The following MDH2 variants were observed in gnomAD, a reference collection of about 807,000 sequenced individuals.
MDH2 encodes the protein malate dehydrogenase 2, also known as malate dehydrogenase, mitochondrial.
MDH2 carries 25 observed loss-of-function variants against 33.6 expected under a neutral mutation model. The observed-to-expected ratio is 0.74, with a 90% CI of 0.54 to 1.04. The LOEUF is 1.04. MDH2 is among the 50% of genes least tolerant of loss of function. MDH2 has a pLI of 0.00. For missense variants in MDH2, 432 were observed against 445.0 expected (o/e 0.97, Z 0.26); for synonymous variants, 193 against 188.7 (o/e 1.02, Z -0.19).
At chr7:76,058,186 T>TG in intron 4 of MDH2, 108 bp downstream of exon 4, 5 of 1,030,550 alleles carry the variant, frequency 4.9e-6, no homozygotes, top group Non-Finnish European at 5.7e-6. Flanking sequence ...GCTGGGGGGA[T>TG]GGGGGGATAC....
intron 5 of MDH2, 64 bp downstream of exon 5, chr7:76,060,562 T>A: frequency 1.3e-6 from 2 of 1,593,474 alleles, no homozygotes; most frequent in Non-Finnish European, 1.7e-6. Flanking sequence ...CCGTGCTCAT[T>A]TACGGGCGTG....
In MDH2 at chr7:76,064,442, G is replaced by A; in HGVS notation, c.733+4G>A. On this transcript the variant is annotated splice_donor_region_variant and intron_variant, in intron 7 of 8. Transcript: ENST00000315758. Reference sequence around the variant, plus strand: ...GTCAAGGCTAAAGCCGGAGCAGGTAGAGTCTCAGGCAGCCCCGGGGCTGGG... The same window carrying A: ...GTCAAGGCTAAAGCCGGAGCAGGTAAAGTCTCAGGCAGCCCCGGGGCTGGG... 3.7e-6 allele frequency: 6 copies of A among 1,610,774 alleles called. No homozygotes were observed. The South Asian group carries it at 6.6e-5, about 18-fold the overall frequency.
intron 4 of MDH2, 76 bp from the exon 5 acceptor site, chr7:76,060,297 A>C (rs997427335): frequency 1.6e-5 from 25 of 1,573,742 alleles, no homozygotes; most frequent in Middle Eastern, 3.4e-4. Flanking sequence ...GTCTGACAAA[A>C]AGCCCTTTTC....
intron 5 of MDH2, among the ~76,000 whole-genome samples, chr7:76,062,570 G>C (rs1554587168): frequency 6.6e-6 from 1 of 152,200 alleles, no homozygotes; most frequent in Non-Finnish European, 1.5e-5. Flanking sequence ...CGGGGCAGGT[G>C]GCTGTTCCCT....
At chr7:76,058,841 T>C (rs1797863095) in intron 4 of MDH2, among the ~76,000 whole-genome samples, 3 of 152,206 alleles carry the variant, frequency 2.0e-5, no homozygotes, top group African/African-American at 7.2e-5. Flanking sequence ...AAATGGCTCC[T>C]AAGTGACTCA....
chr7:76,048,971 C>A, intron 1 of MDH2: 1 of 579,082 alleles, frequency 1.7e-6, no homozygotes, highest in Non-Finnish European at 1.9e-6. Context: ...ATTGAAGAAG[C>A]TTAAGACTGC....
chr7:76,066,136 T>TCAGCAAGGCGTCCC (rs1438255815), intron 8 of MDH2, 143 bp from the exon 9 acceptor site: 1 of 997,528 alleles, frequency 1.0e-6, no homozygotes, highest in African/African-American at 1.6e-5. Context: ...ACCCACCTGC[T>TCAGCAAGGCGTCCC]CAGCAAGGCG....
intron 2 of MDH2, among the ~76,000 whole-genome samples, chr7:76,057,012 C>CA (rs55681261): frequency 1.5e-4 from 22 of 143,674 alleles, no homozygotes; most frequent in African/African-American, 5.6e-4. Context: ...GACTCCCTCT[C>CA]AAAAAAAAAA....
At chr7:76,054,699 C>G (rs1449156116) in intron 1 of MDH2, 131 bp from the exon 2 acceptor site, 6 of 1,052,148 alleles carry the variant, frequency 5.7e-6, no homozygotes, top group Non-Finnish European at 4.3e-6. Context: ...GAGACTGTTA[C>G]AAATACAATG....
chr7:76,066,501 T>C lies in MDH2; in HGVS notation c.*91T>C, dbSNP rs1380930976. 2 of 1,460,168 alleles carry C rather than the reference T, an allele frequency of 1.4e-6. No homozygotes were observed. The highest frequency in any genetic ancestry group is 1.8e-6 in the Non-Finnish European group (2 of 1,096,204). The allele number at this position is 1,460,168 out of a possible 1,614,324, so 90.5% of individuals were successfully genotyped here. On this transcript the variant is annotated 3_prime_UTR_variant, in exon 9 of 9. Transcript: ENST00000315758. ...AGATAAACTTTGTATTTTAATTTGC[T>C]TTGGTGATGATTACTGTATTGACAT...
chr7:76,048,479 C>G, intron 1 of MDH2: 1 of 1,255,784 alleles, frequency 8.0e-7, no homozygotes, highest in Non-Finnish European at 1.0e-6. Context: ...CCCAGGTCTC[C>G]CAGATTTCCC....
intron 1 of MDH2, chr7:76,048,586 C>T (rs1393685087): frequency 1.4e-5 from 18 of 1,308,994 alleles, no homozygotes; most frequent in African/African-American, 4.6e-5. Flanking sequence ...CGTTCCATTG[C>T]TTTGACGTAG....
chr7:76,048,375 G>A, intron 1 of MDH2, 149 bp downstream of exon 1: 2 of 1,257,244 alleles, frequency 1.6e-6, no homozygotes, highest in East Asian at 2.8e-5. Context: ...GCCCGGGGCA[G>A]GCCCTGACAC....
At chr7:76,058,607 C>T (rs1457447574) in intron 4 of MDH2, among the ~76,000 whole-genome samples, 1 of 152,186 alleles carries the variant, frequency 6.6e-6, no homozygotes, top group Non-Finnish European at 1.5e-5. Flanking sequence ...AACAACAACT[C>T]ATAGTAAAAC....
chr7:76,054,491 G>T (rs1554585910), intron 1 of MDH2: 3 of 304,378 alleles, frequency 9.9e-6, no homozygotes. Context: ...TAGGCACTCA[G>T]TGTGTGTTTA....
chr7:76,049,180 C>T (rs1797498819), intron 1 of MDH2: 1 of 872,302 alleles, frequency 1.1e-6, no homozygotes, highest in African/African-American at 1.9e-5. Context: ...ACAAATGCTC[C>T]TGGATTGATG....
intron 1 of MDH2, chr7:76,048,498 T>C (rs941886244): frequency 1.5e-6 from 2 of 1,307,112 alleles, no homozygotes; most frequent in African/African-American, 3.1e-5. Context: ...CCAGAGGACC[T>C]GCTCTTGGCT....
rs1262184922 is a variant in MDH2, at chr7:76,066,879, C to G, written c.*469C>G. 1 of 152,316 alleles carries G rather than the reference C, an allele frequency of 6.6e-6. No homozygotes were observed. The highest frequency in any genetic ancestry group is 1.5e-5 in the Non-Finnish European group (1 of 68,132). 9.4% of individuals were successfully genotyped at this position (152,316 alleles called of 1,614,324 possible). A position where few individuals can be genotyped will look rare whatever the true frequency, so the allele number is the denominator to read the frequency against. ...AGTTCACCCCCACGGGTTCATAGTTCAGCGGCGAATGCCAGGCAGCTGTTT... is the reference window on the plus strand; with the variant it reads ...AGTTCACCCCCACGGGTTCATAGTTGAGCGGCGAATGCCAGGCAGCTGTTT... On this transcript the variant is annotated 3_prime_UTR_variant, in exon 9 of 9. Coordinates refer to ENST00000315758, the MANE Select transcript of MDH2 (RefSeq NM_005918.4).
chr7:76,056,219 A>G (rs1419759563), intron 2 of MDH2, among the ~76,000 whole-genome samples: 1 of 152,214 alleles, frequency 6.6e-6, no homozygotes, highest in Non-Finnish European at 1.5e-5. Context: ...TTGCTTCTGT[A>G]AATATAAATA....
Sources: gnomAD v4.1 joint callset for allele counts (sites outside exome capture counted in the v4.1 genomes callset) on GRCh38, gnomAD v4.1.1 for gene constraint, MANE v1.5 for transcripts, NCBI Gene and HGNC (gene_info 2026-07-23, HGNC 2026-07-21) for gene names.